TRDN: variants seen among roughly 807,000 people sequenced by gnomAD.
The protein encoded by TRDN is triadin, also known as triadin in skeletal muscle.
Under a neutral mutation model 149.7 loss-of-function variants are expected in TRDN, and 161 were observed. That is an observed-to-expected ratio of 1.08 (90% CI 0.95 to 1.23). The LOEUF is 1.23. Among genes scored for constraint, TRDN ranks in the 50% most tolerant of loss-of-function variants. The probability of loss-of-function intolerance (pLI) is 0.00; values close to 1 mark genes in which losing one functional copy is unlikely to be tolerated. For missense variants in TRDN, 896 were observed against 823.5 expected (o/e 1.09, Z -1.08); for synonymous variants, 294 against 250.5 (o/e 1.17, Z -1.64).
At chr6:123,485,381 T>G (rs1249911918) in intron 9 of TRDN, among the ~76,000 whole-genome samples, 1 of 152,192 alleles carries the variant, frequency 6.6e-6, no homozygotes, top group Non-Finnish European at 1.5e-5. Flanking sequence ...TGAATAAAAA[T>G]TGCTGCTCTG....
At chr6:123,258,118 C>A (rs950446418) in intron 35 of TRDN, among the ~76,000 whole-genome samples, 5 of 151,414 alleles carry the variant, frequency 3.3e-5, no homozygotes, top group African/African-American at 1.2e-4. Context: ...TATTTCAGTA[C>A]CCTTTATTTA....
intron 14 of TRDN, among the ~76,000 whole-genome samples, chr6:123,386,322 A>C (rs541187985): frequency 6.6e-6 from 1 of 152,316 alleles, no homozygotes; most frequent in Admixed American, 6.5e-5. Flanking sequence ...TGTTCATAGA[A>C]GGAAAAAGGA....
chr6:123,290,539 T>C (rs1382211707), intron 24 of TRDN, among the ~76,000 whole-genome samples: 1 of 152,148 alleles, frequency 6.6e-6, no homozygotes, highest in Non-Finnish European at 1.5e-5. Flanking sequence ...TGGTGACATG[T>C]TTTGCATGGT....
chr6:123,463,777 GT>G (rs11346009), intron 10 of TRDN, among the ~76,000 whole-genome samples: 23,727 of 141,364 alleles, frequency 0.17, 2,327 homozygotes, highest in African/African-American at 0.32. Flanking sequence ...TTTTCTTTCT[GT>G]TTTTTTTTTT....
intron 7 of TRDN, among the ~76,000 whole-genome samples, chr6:123,510,750 TCTC>T: frequency 6.6e-6 from 1 of 152,102 alleles, no homozygotes; most frequent in South Asian, 2.1e-4. Flanking sequence ...TTCAAGGTAT[TCTC>T]CTGTCTCAGC....
At chr6:123,433,355 T>G (rs2114578564) in intron 12 of TRDN, among the ~76,000 whole-genome samples, 1 of 151,962 alleles carries the variant, frequency 6.6e-6, no homozygotes, top group East Asian at 1.9e-4. Flanking sequence ...TCCACTGCCC[T>G]TACTCAGAGT....
chr6:123,305,778 C>T (rs1778586204), intron 24 of TRDN, among the ~76,000 whole-genome samples: 1 of 152,138 alleles, frequency 6.6e-6, no homozygotes, highest in Admixed American at 6.6e-5. Context: ...GGTAACTTGA[C>T]ATATCTTGAC....
At chr6:123,519,350 C>G (rs1779558225) in intron 5 of TRDN, among the ~76,000 whole-genome samples, 1 of 152,044 alleles carries the variant, frequency 6.6e-6, no homozygotes, top group Non-Finnish European at 1.5e-5. Flanking sequence ...ACCCTCCCAT[C>G]TGGCCCCTTT....
chr6:123,311,117 A>G (rs534197054), intron 24 of TRDN, among the ~76,000 whole-genome samples: 1 of 152,112 alleles, frequency 6.6e-6, no homozygotes, highest in South Asian at 2.1e-4. Flanking sequence ...AAAGAGGCTT[A>G]ATTGACTCAT....
chr6:123,519,765 A>AT (rs1251000076), intron 5 of TRDN, among the ~76,000 whole-genome samples: 1 of 151,598 alleles, frequency 6.6e-6, no homozygotes, highest in Non-Finnish European at 1.5e-5. Context: ...GGTAAGCATT[A>AT]TATCTTTTCA....
intron 9 of TRDN, among the ~76,000 whole-genome samples, chr6:123,466,602 T>C (rs955435813): frequency 3.9e-5 from 6 of 151,934 alleles, no homozygotes; most frequent in Non-Finnish European, 4.4e-5. Flanking sequence ...CTACTCTAGG[T>C]TTCTACTTTC....
At chr6:123,582,522 T>TG (rs1389732711) in intron 1 of TRDN, among the ~76,000 whole-genome samples, 1 of 77,744 alleles carries the variant, frequency 1.3e-5, no homozygotes, top group Admixed American at 1.5e-4. Flanking sequence ...CAGGCAGGAG[T>TG]GGGGGGCACA....
chr6:123,223,006 A>G (rs997155942), intron 39 of TRDN, among the ~76,000 whole-genome samples: 2 of 151,780 alleles, frequency 1.3e-5, no homozygotes, highest in African/African-American at 4.8e-5. Context: ...ACATATGTTG[A>G]GGAGCTTGCA....
At chr6:123,393,704 C>A (rs1384579842) in intron 12 of TRDN, 27 bp from the exon 13 acceptor site, 1 of 1,584,706 alleles carries the variant, frequency 6.3e-7, no homozygotes. Flanking sequence ...CATAAATTAC[C>A]ATGAAGTATG....
At chr6:123,591,421 T>C (rs1249505511) in intron 1 of TRDN, among the ~76,000 whole-genome samples, 1 of 152,128 alleles carries the variant, frequency 6.6e-6, no homozygotes, top group Non-Finnish European at 1.5e-5. Flanking sequence ...AATTTTTGTA[T>C]TTTTAGTACA....
chr6:123,371,888 A>G (rs943698972), intron 19 of TRDN, among the ~76,000 whole-genome samples: 2 of 152,132 alleles, frequency 1.3e-5, no homozygotes, highest in African/African-American at 4.8e-5. Flanking sequence ...TGCTGTTTTG[A>G]ATATATTCTG....
intron 40 of TRDN, among the ~76,000 whole-genome samples, chr6:123,219,863 A>G (rs1775082874): frequency 1.3e-5 from 2 of 151,954 alleles, no homozygotes; most frequent in Non-Finnish European, 2.9e-5. Flanking sequence ...GCCCTGCACA[A>G]GGAGAAATGG....
At chr6:123,401,952 G>GAAAAAAAAAAAAAAAAAAAAAA (rs1322233071) in intron 12 of TRDN, among the ~76,000 whole-genome samples, 1 of 75,124 alleles carries the variant, frequency 1.3e-5, no homozygotes, top group Non-Finnish European at 3.0e-5. Flanking sequence ...AACTCAAAAA[G>GAAAAAAAAAAAAAAAAAAAAAA]AAAAAAAAAA....
chr6:123,250,390 C>G (rs1235171179), intron 38 of TRDN, among the ~76,000 whole-genome samples: 1 of 152,022 alleles, frequency 6.6e-6, no homozygotes, highest in African/African-American at 2.4e-5. Context: ...AAACCCACTC[C>G]TACCACCACC....
Sources: gnomAD v4.1 joint callset for allele counts (sites outside exome capture counted in the v4.1 genomes callset) on GRCh38, gnomAD v4.1.1 for gene constraint, MANE v1.5 for transcripts, NCBI Gene and HGNC (gene_info 2026-07-23, HGNC 2026-07-21) for gene names.